The following PHACTR3 variants were observed in gnomAD, a reference collection of about 807,000 sequenced individuals.
PHACTR3 encodes the protein protein phosphatase 1, regulatory subunit 123.
A neutral mutation model predicts 66.8 loss-of-function variants in PHACTR3; 16 were observed. That is an observed-to-expected ratio of 0.24 (90% CI 0.16 to 0.36). The LOEUF (loss-of-function observed/expected upper bound fraction) is 0.36. Among genes scored for constraint, PHACTR3 ranks in the 10% least tolerant of loss-of-function variants. The pLI, the probability that PHACTR3 is intolerant of heterozygous loss-of-function variation, is 1.00. For synonymous variants in PHACTR3, 323 were observed against 292.1 expected (o/e 1.11, Z -1.08); for missense variants, 647 against 719.9 (o/e 0.90, Z 1.16).
At chr20:59,774,133 A>C in intron 6 of PHACTR3, 110 bp from the exon 7 acceptor site, 1 of 1,401,576 alleles carries the variant, frequency 7.1e-7, no homozygotes, top group Non-Finnish European at 9.6e-7. Flanking sequence ...AAGAGGTCAC[A>C]TGCATTTTGG....
In PHACTR3 at chr20:59,847,227, A is replaced by AC. The variant is rs529885877; in HGVS notation, c.*99dup. On this transcript the variant is annotated 3_prime_UTR_variant, in exon 13 of 13. Transcript: ENST00000371015. Reference sequence around the variant, plus strand: ...CTGAAGTTCAGCTCAAGACTACCCTACCTGCTGTGTTTGTGAGAAGAGTAG... The same window carrying AC: ...CTGAAGTTCAGCTCAAGACTACCCTACCCTGCTGTGTTTGTGAGAAGAGTAG... The AC allele has an allele frequency of 8.5e-4, 730 of 860,468 alleles. 3 individuals carry two copies. Among genetic ancestry groups the AC allele is most frequent in the Middle Eastern group, 4.8e-3 (21 of 4,340 alleles). The allele number at this position is 860,468 out of a possible 1,614,324, so 53.3% of individuals were successfully genotyped here. A position where few individuals can be genotyped will look rare whatever the true frequency, so the allele number is the denominator to read the frequency against.
intron 6 of PHACTR3, 89 bp from the exon 7 acceptor site, chr20:59,774,154 G>A (rs1455063692): frequency 6.7e-7 from 1 of 1,493,002 alleles, no homozygotes; most frequent in Non-Finnish European, 9.0e-7. Context: ...GGCTGCCTCT[G>A]TGATATTCAT....
intron 3 of PHACTR3, among the ~76,000 whole-genome samples, chr20:59,752,520 A>G (rs1326035592): frequency 3.4e-5 from 4 of 116,620 alleles, no homozygotes; most frequent in African/African-American, 6.0e-5. Flanking sequence ...TTCACTGAAC[A>G]TGATTATGAG....
intron 1 of PHACTR3, among the ~76,000 whole-genome samples, chr20:59,690,422 T>C (rs2037068021): frequency 6.6e-6 from 1 of 152,158 alleles, no homozygotes; most frequent in South Asian, 2.1e-4. Flanking sequence ...CCCACTGTCT[T>C]AGTTGTCTGG....
chr20:59,755,294 C>G lies in PHACTR3; in HGVS notation c.471C>G (p.Pro157=). The change falls in exon 4 of 13, where the codon CCC becomes CCG. Residue 157 remains proline (P), a synonymous_variant. Transcript: ENST00000371015. ...CAGAAGATGCCCAGCCCGGAAGCCC[C>G]TTGGCCACTGGGACGGACCAGGTCT... ...LTSEDAQPGS[P]LATGTDQVSL... 1 of 1,613,482 alleles carries G rather than the reference C, an allele frequency of 6.2e-7. No individual in the cohort carries two copies.
chr20:59,747,729 A>G, intron 2 of PHACTR3, 29 bp from the exon 3 acceptor site: 1 of 1,610,130 alleles, frequency 6.2e-7, no homozygotes, highest in South Asian at 1.1e-5. Flanking sequence ...TTTGCCTGAG[A>G]CTCACCTGTG....
chr20:59,673,301 G>A (rs1036492676), intron 1 of PHACTR3, among the ~76,000 whole-genome samples: 1 of 152,160 alleles, frequency 6.6e-6, no homozygotes, highest in Non-Finnish European at 1.5e-5. Flanking sequence ...TCACTCTGTG[G>A]CCTGTTGTTT....
At chr20:59,579,928 G>A (rs2032813386) in intron 1 of PHACTR3, among the ~76,000 whole-genome samples, 1 of 152,190 alleles carries the variant, frequency 6.6e-6, no homozygotes, top group Admixed American at 6.5e-5. Flanking sequence ...GGCTTCTGCA[G>A]TGCATTCCTT....
intron 1 of PHACTR3, among the ~76,000 whole-genome samples, chr20:59,672,227 G>A (rs553296721): frequency 3.9e-5 from 6 of 152,360 alleles, no homozygotes; most frequent in African/African-American, 1.4e-4. Flanking sequence ...GCATCATTTA[G>A]CTTCAAATGT....
At chr20:59,707,299 G>T (rs2037741136) in intron 1 of PHACTR3, among the ~76,000 whole-genome samples, 1 of 152,140 alleles carries the variant, frequency 6.6e-6, no homozygotes, top group East Asian at 1.9e-4. Flanking sequence ...GATACGGTTT[G>T]GAAGTTTGTC....
upstream of PHACTR3, among the ~76,000 whole-genome samples, chr20:59,602,099 C>T (rs1415181872): frequency 6.6e-6 from 1 of 152,168 alleles, no homozygotes; most frequent in Non-Finnish European, 1.5e-5. Context: ...AGGAGGATGT[C>T]TCTATTCGGT....
chr20:59,605,846 C>CGGGGGGGGGGGGGGGG (rs200107140), intron 1 of PHACTR3, among the ~76,000 whole-genome samples: 1 of 7,758 alleles, frequency 1.3e-4, no homozygotes, highest in African/African-American at 9.3e-4. Flanking sequence ...CCTAATAAAG[C>CGGGGGGGGGGGGGGGG]GGGGGGGGAG....
At chr20:59,609,701 C>G (rs368032142) in intron 1 of PHACTR3, among the ~76,000 whole-genome samples, 3 of 152,210 alleles carry the variant, frequency 2.0e-5, no homozygotes, top group Non-Finnish European at 4.4e-5. Context: ...TTGTCTGTAC[C>G]ATGGCTCTTT....
intron 1 of PHACTR3, among the ~76,000 whole-genome samples, chr20:59,648,445 G>A (rs1191878915): frequency 6.6e-6 from 1 of 152,232 alleles, no homozygotes; most frequent in East Asian, 1.9e-4. Context: ...TGCTGAACCA[G>A]AAAAGGTGGT....
At chr20:59,678,543 G>C (rs2036532649) in intron 1 of PHACTR3, among the ~76,000 whole-genome samples, 1 of 152,142 alleles carries the variant, frequency 6.6e-6, no homozygotes, top group African/African-American at 2.4e-5. Flanking sequence ...TCTTGGTGCT[G>C]AGCCTGTGCT....
intron 1 of PHACTR3, among the ~76,000 whole-genome samples, chr20:59,582,532 T>A (rs1331497669): frequency 1.3e-5 from 2 of 152,220 alleles, no homozygotes; most frequent in Non-Finnish European, 2.9e-5. Flanking sequence ...TTTCCCAAAG[T>A]GGCTGTGTCA....
chr20:59,650,075 G>A (rs925385535), intron 1 of PHACTR3, among the ~76,000 whole-genome samples: 5 of 152,062 alleles, frequency 3.3e-5, no homozygotes, highest in Admixed American at 6.5e-5. Context: ...AAAATGTGCA[G>A]GCATTTTTGG....
intron 1 of PHACTR3, among the ~76,000 whole-genome samples, chr20:59,662,850 C>T (rs1048285592): frequency 6.6e-6 from 1 of 152,104 alleles, no homozygotes; most frequent in East Asian, 1.9e-4. Flanking sequence ...CACATGGTGA[C>T]GGACTTCACA....
intron 1 of PHACTR3, among the ~76,000 whole-genome samples, chr20:59,734,716 T>G (rs2038886686): frequency 6.6e-6 from 1 of 152,120 alleles, no homozygotes; most frequent in South Asian, 2.1e-4. Context: ...TTTACTGGGT[T>G]TCTGAGCCTT....
Sources: allele counts gnomAD v4.1 joint callset (sites outside exome capture counted in the v4.1 genomes callset), GRCh38; gene constraint gnomAD v4.1.1; transcripts MANE v1.5; gene names NCBI Gene and HGNC (gene_info 2026-07-23, HGNC 2026-07-21).